Variants in ISM1 observed in about 807,000 individuals in gnomAD.
ISM1 encodes isthmin-1.
ISM1 carries 25 observed loss-of-function variants against 46.3 expected under a neutral mutation model. The observed-to-expected ratio is 0.54, with a 90% CI of 0.39 to 0.75. The LOEUF (loss-of-function observed/expected upper bound fraction) is 0.75, where lower values mean the gene tolerates loss of function less well. Ranked by LOEUF, ISM1 falls within the 30% of genes least tolerant of loss-of-function variation. The pLI, the probability that ISM1 is intolerant of heterozygous loss-of-function variation, is 0.00. For synonymous variants in ISM1, 255 were observed against 256.7 expected, an observed-to-expected ratio of 0.99 and a Z score of 0.06; for missense variants, 536 against 625.4, an observed-to-expected ratio of 0.86 and a Z score of 1.52.
At chr20:13,264,637 C>T (rs2040023284) in intron 1 of ISM1, among the ~76,000 whole-genome samples, 2 of 152,204 alleles carry the variant, frequency 1.3e-5, no homozygotes, top group South Asian at 4.1e-4. Context: ...CTAGATGTGG[C>T]TATGGCCATC....
Position 13,299,304 on chromosome 20 carries a change from C to T in ISM1, c.1240C>T (p.Leu414Phe). 2 of 1,613,702 alleles carry T rather than the reference C, an allele frequency of 1.2e-6. No homozygotes were observed. The highest frequency in any genetic ancestry group is 1.6e-4 in the Middle Eastern group (1 of 6,062). The part of the protein sequence containing the change: ...NLISTEFSAE[L>F]HYKVDVLPWI... ...CATCAGCACCGAGTTCTCCGCGGAG[C>T]TCCACTACAAGGTGGACGTCCTGCC... The change falls in exon 6 of 6, where the codon CTC (leucine) becomes TTC (phenylalanine). Residue 414 changes from leucine (L) to phenylalanine (F), a missense_variant. Around this residue, in one of 2 missense-constraint regions of ISM1, gnomAD observed 169 missense variants for 249.3 expected, o/e 0.68. Transcript: ENST00000262487. The surrounding 1 kb of genome is among the most constrained non-coding windows in gnomAD (Gnocchi z 5.8).
chr20:13,264,445 A>T (rs369806886), intron 1 of ISM1, among the ~76,000 whole-genome samples: 1 of 152,072 alleles, frequency 6.6e-6, no homozygotes, highest in African/African-American at 2.4e-5. Context: ...TGCTTAGCAC[A>T]TTTTTTCCAA....
At chr20:13,307,035 A>G in the ISM1 span, among the ~76,000 whole-genome samples, 2 of 152,144 alleles carry the variant, frequency 1.3e-5, no homozygotes, top group South Asian at 2.1e-4. Context: ...AGGGAGAGAG[A>G]AAGAACAAAA....
At chr20:13,263,495 C>A (rs2040010878) in intron 1 of ISM1, among the ~76,000 whole-genome samples, 2 of 152,204 alleles carry the variant, frequency 1.3e-5, no homozygotes, top group South Asian at 4.1e-4. Context: ...GCTCCTCAAT[C>A]ATGTTAAAGA....
intron 1 of ISM1, among the ~76,000 whole-genome samples, chr20:13,258,799 G>A (rs1306964343): frequency 6.6e-6 from 1 of 152,042 alleles, no homozygotes; most frequent in Non-Finnish European, 1.5e-5. Context: ...ATGGCCTTCT[G>A]TTCTCCCCAT....
At chr20:13,323,540 T>C in the ISM1 span, among the ~76,000 whole-genome samples, 1 of 152,350 alleles carries the variant, frequency 6.6e-6, no homozygotes, top group East Asian at 1.9e-4. Context: ...AGTATGATAC[T>C]ATTCATATGA....
chr20:13,267,715 A>C (rs1354305733), intron 1 of ISM1, among the ~76,000 whole-genome samples: 1 of 152,214 alleles, frequency 6.6e-6, no homozygotes, highest in East Asian at 1.9e-4. Flanking sequence ...GCAAAATGTT[A>C]AAGAGTAGCA....
At chr20:13,324,835 C>T in the ISM1 span, among the ~76,000 whole-genome samples, 1 of 152,140 alleles carries the variant, frequency 6.6e-6, no homozygotes, top group African/African-American at 2.4e-5. Context: ...TAGAAATAAC[C>T]TAGTTTAAGT....
chr20:13,259,972 T>C (rs1172041962), intron 1 of ISM1, among the ~76,000 whole-genome samples: 1 of 151,994 alleles, frequency 6.6e-6, no homozygotes, highest in Non-Finnish European at 1.5e-5. Flanking sequence ...ATCGATGGAG[T>C]GTTTGTTGAA....
chr20:13,286,072 TACTC>T (rs1389855276), intron 3 of ISM1, among the ~76,000 whole-genome samples: 3 of 152,236 alleles, frequency 2.0e-5, no homozygotes, highest in Non-Finnish European at 4.4e-5. Context: ...TCTTCTGACT[TACTC>T]ATTCCCCCTT....
intron 4 of ISM1, among the ~76,000 whole-genome samples, chr20:13,290,388 G>A (rs1460950793): frequency 6.6e-6 from 1 of 152,248 alleles, no homozygotes; most frequent in Non-Finnish European, 1.5e-5. Flanking sequence ...GGTGGCTCAT[G>A]CCTGTAATCC....
the ISM1 span, among the ~76,000 whole-genome samples, chr20:13,309,952 C>A: frequency 6.6e-6 from 1 of 151,994 alleles, no homozygotes; most frequent in African/African-American, 2.4e-5. Flanking sequence ...AAAATAAACA[C>A]TTGAAAAAAT....
Position 13,221,552 on chromosome 20 carries a change from TGCGGCGGCGGCG to T in ISM1, c.-212_-201del, listed in dbSNP as rs911571992. 2.8e-5 allele frequency among the ~76,000 whole-genome samples: 4 copies of T among 141,584 alleles called. No individual in the cohort carries two copies. The highest frequency in any genetic ancestry group is 4.5e-4 in the South Asian group (2 of 4,462). The allele number at this position is 141,584 out of a possible 152,430, so 92.9% of individuals were successfully genotyped here. ...CGGCCTCGCGGTGGCTCCGCCGTGG[TGCGGCGGCGGCG>T]GCGGCGGCGGCGCCGGCAGCTCCTG... On this transcript the variant is annotated 5_prime_UTR_variant, in exon 1 of 6. Transcript: ENST00000262487.
the ISM1 span, among the ~76,000 whole-genome samples, chr20:13,313,195 C>T: frequency 1.3e-5 from 2 of 152,216 alleles, no homozygotes; most frequent in African/African-American, 4.8e-5. Context: ...ACTTTGGCTT[C>T]CATTCCAGTG....
At chr20:13,237,735 T>C (rs569147705) in intron 1 of ISM1, 2 of 152,336 alleles carry the variant, frequency 1.3e-5, no homozygotes, top group South Asian at 4.1e-4. Flanking sequence ...GAGTAAAGAA[T>C]GCAGCAGGCA....
chr20:13,310,751 A>G, the ISM1 span, among the ~76,000 whole-genome samples: 21 of 152,230 alleles, frequency 1.4e-4, no homozygotes, highest in Admixed American at 7.2e-4. Flanking sequence ...AAAAGTGAGC[A>G]AAGGACCTGA....
At chr20:13,308,918 G>A in the ISM1 span, among the ~76,000 whole-genome samples, 1 of 152,010 alleles carries the variant, frequency 6.6e-6, no homozygotes, top group Non-Finnish European at 1.5e-5. Context: ...AAAATGAGAG[G>A]TCAGCAGTCT....
Position 13,279,724 on chromosome 20 carries a change from G to A in ISM1, c.469G>A (p.Asp157Asn), listed in dbSNP as rs201480551. ...GCCCAGCTGGTCAGTCCCATCCCCCGACTGGCGGGCCTGGTGGCAGAGGTC... is the reference window on the plus strand; with the variant it reads ...GCCCAGCTGGTCAGTCCCATCCCCCAACTGGCGGGCCTGGTGGCAGAGGTC... ...NKPSWSVPSP[D>N]WRAWWQRSLS... is the part of the protein sequence containing the mutation. Residue 157 changes from aspartate to asparagine, a missense_variant, in exon 3 of 6, where the codon GAC becomes AAC. By Grantham distance (23) the Asp-to-Asn change is conservative. Transcript: ENST00000262487. The A allele has an allele frequency of 6.8e-6, 11 of 1,614,028 alleles. No homozygotes were observed. Among genetic ancestry groups the A allele is most frequent in the South Asian group, 2.2e-5 (2 of 91,084 alleles).
At chr20:13,276,138 A>T (rs1406781013) in intron 2 of ISM1, among the ~76,000 whole-genome samples, 1 of 152,244 alleles carries the variant, frequency 6.6e-6, no homozygotes, top group Non-Finnish European at 1.5e-5. Context: ...TGTTGGAGAC[A>T]GGTCCTTCAA....
Sources: gnomAD v4.1 joint callset for allele counts (sites outside exome capture counted in the v4.1 genomes callset) on GRCh38, gnomAD v4.1.1 for gene constraint, gnomAD v4.1.1 regional missense constraint, Gnocchi (gnomAD v3.1) non-coding constraint, MANE v1.5 for transcripts, NCBI Gene and HGNC (gene_info 2026-07-23, HGNC 2026-07-21) for gene names.